PRDM1: variants seen among roughly 807,000 people sequenced by gnomAD.
The protein encoded by PRDM1 is PR/SET domain 1.
PRDM1 carries 13 observed loss-of-function variants against 62.8 expected under a neutral mutation model. The observed-to-expected ratio is 0.21, with a 90% CI of 0.13 to 0.33. The LOEUF (loss-of-function observed/expected upper bound fraction) is 0.33, where lower values mean the gene tolerates loss of function less well. Among genes scored for constraint, PRDM1 ranks in the 10% least tolerant of loss-of-function variants. PRDM1 has a pLI of 1.00. For synonymous variants in PRDM1, 396 were observed against 417.6 expected, an observed-to-expected ratio of 0.95 and a Z score of 0.63; for missense variants, 895 against 1,058.8, an observed-to-expected ratio of 0.85 and a Z score of 2.15.
Position 106,106,036 on chromosome 6 carries a change from GC to G in PRDM1, c.1773+108del, listed in dbSNP as rs2114659257. ...ATCGATTGCATTTGCAGTAGTATGAGCCCCCGGTTGGGGATAGTGGGTATGG... is the reference window on the plus strand; with the variant it reads ...ATCGATTGCATTTGCAGTAGTATGAGCCCCGGTTGGGGATAGTGGGTATGG... On this transcript the variant is annotated intron_variant, in intron 5 of 6. Coordinates refer to ENST00000369096, the MANE Select transcript of PRDM1 (RefSeq NM_001198.4). The surrounding 1 kb of genome is among the most constrained non-coding windows in gnomAD (Gnocchi z 4.4). The G allele has an allele frequency of 3.4e-6, 5 of 1,472,778 alleles. No homozygotes were observed. The South Asian group carries it at 5.6e-5, about 17-fold the overall frequency. The allele number at this position is 1,472,778 out of a possible 1,614,324, so 91.2% of individuals were successfully genotyped here. A position where few individuals can be genotyped will look rare whatever the true frequency, so the allele number is the denominator to read the frequency against.
At chr6:106,028,656 C>T (rs1772796950) in intron 1 of PRDM1, among the ~76,000 whole-genome samples, 1 of 152,130 alleles carries the variant, frequency 6.6e-6, no homozygotes, top group Non-Finnish European at 1.5e-5. Context: ...ATGAACTGCA[C>T]ATATTTAAAG....
intron 1 of PRDM1, among the ~76,000 whole-genome samples, chr6:105,997,242 T>C (rs1000678117): frequency 2.6e-4 from 39 of 152,342 alleles, no homozygotes; most frequent in African/African-American, 8.9e-4. Context: ...CTTTCTTTTC[T>C]TTTCTACCTT....
intron 3 of PRDM1, chr6:106,098,782 G>A: frequency 6.7e-7 from 1 of 1,491,132 alleles, no homozygotes; most frequent in Non-Finnish European, 9.0e-7. Context: ...GTTGGGGGTG[G>A]AGGATGTTTG....
chr6:106,106,429 G>T lies in PRDM1; in HGVS notation c.1832G>T (p.Gly611Val). 6.2e-7 allele frequency: 1 copy of T among 1,614,136 alleles called. No homozygotes were observed. Among genetic ancestry groups the T allele is most frequent in the Non-Finnish European group, 8.5e-7 (1 of 1,180,028 alleles). ...RPFKCQTCNK[G>V]FTQLAHLQKH... ...TTCAAATGTCAGACTTGCAACAAGG[G>T]CTTTACTCAGCTCGCCCACCTGCAG... Residue 611 changes from glycine (G) to valine (V), a missense_variant, in exon 6 of 7, where the codon GGC (glycine) becomes GTC (valine). Gly to Val is a moderately radical substitution (Grantham distance 109). Around this residue, in one of 4 missense-constraint regions of PRDM1, gnomAD observed 74 missense variants for 172.4 expected, o/e 0.43. Transcript: ENST00000369096. The surrounding 1 kb of genome is among the most constrained non-coding windows in gnomAD (Gnocchi z 4.4).
intron 1 of PRDM1, among the ~76,000 whole-genome samples, chr6:106,022,405 C>T (rs1487002070): frequency 6.6e-6 from 1 of 151,276 alleles, no homozygotes; most frequent in Non-Finnish European, 1.5e-5. Flanking sequence ...AACAGGCATG[C>T]ACCACCACCA....
chr6:106,048,988 G>T (rs1773125696), intron 1 of PRDM1, among the ~76,000 whole-genome samples: 1 of 151,954 alleles, frequency 6.6e-6, no homozygotes, highest in Admixed American at 6.6e-5. Flanking sequence ...GCTAATTTTT[G>T]TATCTTTAGT....
chr6:106,033,435 T>G (rs570729684), intron 1 of PRDM1, among the ~76,000 whole-genome samples: 1 of 152,008 alleles, frequency 6.6e-6, no homozygotes, highest in East Asian at 1.9e-4. Flanking sequence ...ATTATAGGCA[T>G]GAGCCACTAC....
chr6:106,031,261 T>C (rs1262860460), intron 1 of PRDM1, among the ~76,000 whole-genome samples: 2 of 152,156 alleles, frequency 1.3e-5, no homozygotes, highest in African/African-American at 4.8e-5. Flanking sequence ...CAGCTTGAGA[T>C]GTACAGAAAA....
rs2114665401 is a variant in PRDM1, at chr6:106,107,415, C to T, written c.2407C>T (p.Pro803Ser). ...ATCAGATCTACCCCTCATGAAGTTG[C>T]CTCCCAGCAACCCACTACCTCTGGT... ...ESSDLPLMKL[P>S]PSNPLPLVPV... The change falls in exon 7 of 7, where the codon CCT (proline) becomes TCT (serine). Residue 803 changes from proline (P) to serine (S), a missense_variant. By Grantham distance (74) the Pro-to-Ser change is moderately conservative. Around this residue, in one of 4 missense-constraint regions of PRDM1, gnomAD observed 164 missense variants for 179.9 expected, o/e 0.91. Transcript: ENST00000369096. 1 of 1,614,086 alleles carries T rather than the reference C, an allele frequency of 6.2e-7. No homozygotes were observed. The highest frequency in any genetic ancestry group is 8.5e-7 in the Non-Finnish European group (1 of 1,180,016).
At position 106,095,752 on chromosome 6, in the gene PRDM1, C is replaced by A; in HGVS notation, c.411+18C>A. On this transcript the variant is annotated intron_variant, in intron 3 of 6. Transcript: ENST00000369096. ...TTTGGAGGGTAAGTAAGGGAAATTT[C>A]TTCAGACCCATTAAATGTTAGGAAA... 6.2e-7 allele frequency: 1 copy of A among 1,612,578 alleles called. No homozygotes were observed. The highest frequency in any genetic ancestry group is 1.3e-5 in the African/African-American group (1 of 74,984).
chr6:106,045,878 G>A (rs1394621479), upstream of PRDM1: 1 of 152,140 alleles, frequency 6.6e-6, no homozygotes, highest in Non-Finnish European at 1.5e-5. Flanking sequence ...CTAGAGAAAT[G>A]TCCTAAACAA....
intron 1 of PRDM1, among the ~76,000 whole-genome samples, chr6:106,037,189 C>T (rs1477730445): frequency 1.3e-5 from 2 of 152,106 alleles, no homozygotes; most frequent in Admixed American, 6.5e-5. Flanking sequence ...TGTTTGTTTG[C>T]TTTCTTTGCT....
chr6:106,098,980 G>A (rs1417008732), intron 3 of PRDM1: 2 of 1,567,672 alleles, frequency 1.3e-6, no homozygotes, highest in African/African-American at 2.7e-5. Flanking sequence ...AGTAGCAAAA[G>A]TAGTACTCTG....
At chr6:106,057,962 T>C (rs1773289816) in intron 1 of PRDM1, among the ~76,000 whole-genome samples, 1 of 152,226 alleles carries the variant, frequency 6.6e-6, no homozygotes, top group Non-Finnish European at 1.5e-5. Flanking sequence ...AGTGAATTTG[T>C]GCCGGTTTCT....
chr6:106,103,130 C>T (rs961257756), intron 4 of PRDM1, among the ~76,000 whole-genome samples: 2 of 149,932 alleles, frequency 1.3e-5, no homozygotes, highest in South Asian at 2.1e-4. Flanking sequence ...TCCATCACGG[C>T]CCCCCCGTCA....
intron 1 of PRDM1, among the ~76,000 whole-genome samples, chr6:106,076,804 A>T (rs1162947328): frequency 6.6e-6 from 1 of 152,248 alleles, no homozygotes; most frequent in Non-Finnish European, 1.5e-5. Context: ...CCCACTAAGC[A>T]ACAAGGAGTT....
intron 1 of PRDM1, among the ~76,000 whole-genome samples, chr6:105,998,555 G>T (rs898485406): frequency 7.9e-5 from 12 of 152,080 alleles, no homozygotes; most frequent in Admixed American, 5.2e-4. Context: ...AATATACTTG[G>T]TTTCTTTCTA....
At chr6:106,099,215 C>G (rs1179370470) in intron 3 of PRDM1, 85 bp from the exon 4 acceptor site, 1 of 1,601,830 alleles carries the variant, frequency 6.2e-7, no homozygotes, top group Admixed American at 1.7e-5. Context: ...AAATCACACA[C>G]GGTACCGGCT....
intron 1 of PRDM1, among the ~76,000 whole-genome samples, chr6:106,020,595 A>T (rs529565683): frequency 6.6e-6 from 1 of 152,214 alleles, no homozygotes; most frequent in Non-Finnish European, 1.5e-5. Context: ...ATATAGACCA[A>T]CCTGGATCCA....
Sources: gnomAD v4.1 joint callset for allele counts (sites outside exome capture counted in the v4.1 genomes callset) on GRCh38, gnomAD v4.1.1 for gene constraint, gnomAD v4.1.1 regional missense constraint, Gnocchi (gnomAD v3.1) non-coding constraint, MANE v1.5 for transcripts, NCBI Gene and HGNC (gene_info 2026-07-23, HGNC 2026-07-21) for gene names.